The following CEP170 variants were observed in gnomAD, a reference collection of about 807,000 sequenced individuals.
CEP170 encodes the protein centrosomal protein of 170 kDa.
A neutral mutation model predicts 151.9 loss-of-function variants in CEP170; 21 were observed. The observed-to-expected ratio is 0.14, with a 90% CI of 0.10 to 0.20. The LOEUF is 0.20. Among genes scored for constraint, CEP170 ranks in the 10% least tolerant of loss-of-function variants. CEP170 has a pLI of 1.00. For missense variants in CEP170, 964 were observed against 1,892.9 expected, an observed-to-expected ratio of 0.51 and a Z score of 9.11; for synonymous variants, 356 against 648.8, an observed-to-expected ratio of 0.55 and a Z score of 6.86.
chr1:243,149,632 T>C (rs1186204046), intron 14 of CEP170, among the ~76,000 whole-genome samples: 4 of 152,228 alleles, frequency 2.6e-5, no homozygotes. Context: ...GTAGTTTTTA[T>C]ATCCATAATA....
At chr1:243,147,247 C>A (rs541892382) in intron 14 of CEP170, among the ~76,000 whole-genome samples, 1 of 152,184 alleles carries the variant, frequency 6.6e-6, no homozygotes, top group African/African-American at 2.4e-5. Context: ...TCCCCTGAAG[C>A]CTTTTCCTGG....
chr1:243,162,632 T>C (rs1572362910), intron 13 of CEP170, among the ~76,000 whole-genome samples: 1 of 152,336 alleles, frequency 6.6e-6, no homozygotes, highest in East Asian at 1.9e-4. Context: ...TAATCATATT[T>C]AGCTTGCATC....
At chr1:243,224,236 G>A (rs1388890014) in intron 2 of CEP170, among the ~76,000 whole-genome samples, 1 of 152,054 alleles carries the variant, frequency 6.6e-6, no homozygotes, top group Non-Finnish European at 1.5e-5. Flanking sequence ...GATACTAATG[G>A]GAAAACCTTA....
At chr1:243,250,048 C>T (rs571712233) in intron 1 of CEP170, among the ~76,000 whole-genome samples, 1 of 152,056 alleles carries the variant, frequency 6.6e-6, no homozygotes, top group South Asian at 2.1e-4. Flanking sequence ...TCCAGCCTGG[C>T]GAGAGAGCAA....
At position 243,164,921 on chromosome 1, in the gene CEP170, C is replaced by G. The variant is rs770947778; in HGVS notation, c.3039G>C (p.Gly1013=). The change falls in exon 13 of 20, where the codon GGG becomes GGC. Residue 1013 remains glycine (G), a synonymous_variant. Transcript: ENST00000366542. ...AGTCTACTGAGGGCTGTCTTATTCT[C>G]CCACTGGACTGAACAAATTTACGAC... is the stretch of plus-strand genomic sequence containing the variant. ...ADGRKFVQSS[G]RIRQPSVDLT... is the part of the protein sequence containing the mutation. 3 of 1,613,726 alleles carry G rather than the reference C, an allele frequency of 1.9e-6. No homozygotes were observed. The highest frequency in any genetic ancestry group is 2.7e-5 in the African/African-American group (2 of 74,948).
chr1:243,142,555 A>G, intron 14 of CEP170, 92 bp from the exon 15 acceptor site: 2 of 1,340,834 alleles, frequency 1.5e-6, no homozygotes, highest in Admixed American at 3.2e-5. Context: ...TGTAAGTTGT[A>G]TATCTAATTA....
chr1:243,173,153 C>T (rs1352584101), intron 10 of CEP170, among the ~76,000 whole-genome samples: 2 of 151,742 alleles, frequency 1.3e-5, no homozygotes, highest in South Asian at 2.1e-4. Context: ...CTCCGCCTCC[C>T]GGGTTCAAGA....
intron 4 of CEP170, among the ~76,000 whole-genome samples, chr1:243,210,608 A>ATTTTTTTTTTTTTTTTTTTTTTTTT (rs751388751): frequency 4.4e-5 from 3 of 67,942 alleles, no homozygotes; most frequent in Non-Finnish European, 2.5e-5. Flanking sequence ...ATTTTTCGTA[A>ATTTTTTTTTTTTTTTTTTTTTTTTT]TTTTTTTTTT....
intron 3 of CEP170, among the ~76,000 whole-genome samples, chr1:243,220,116 C>T (rs1248727359): frequency 6.6e-6 from 1 of 152,162 alleles, no homozygotes; most frequent in Non-Finnish European, 1.5e-5. Context: ...GTTAAAATTC[C>T]TAAGTAAACG....
intron 1 of CEP170, among the ~76,000 whole-genome samples, chr1:243,244,828 A>T (rs959825533): frequency 2.0e-5 from 3 of 152,180 alleles, no homozygotes; most frequent in Admixed American, 2.0e-4. Flanking sequence ...GACTAAATAC[A>T]TTCTAAAAAA....
intron 1 of CEP170, among the ~76,000 whole-genome samples, chr1:243,239,232 CCGT>C (rs2149112763): frequency 6.6e-6 from 1 of 152,274 alleles, no homozygotes; most frequent in African/African-American, 2.4e-5. Flanking sequence ...CCTGTTCTCC[CCGT>C]CTTAGCGAAT....
At chr1:243,189,522 C>G (rs954607469) in intron 8 of CEP170, among the ~76,000 whole-genome samples, 6 of 145,342 alleles carry the variant, frequency 4.1e-5, no homozygotes, top group Admixed American at 1.4e-4. Flanking sequence ...CGCCACTGCA[C>G]TCCAGCCTGA....
At chr1:243,204,048 T>C (rs777662009) in intron 4 of CEP170, among the ~76,000 whole-genome samples, 12 of 152,200 alleles carry the variant, frequency 7.9e-5, no homozygotes, top group Non-Finnish European at 1.5e-4. Flanking sequence ...TAAACTTCTC[T>C]ATCACTTCAT....
At chr1:243,127,834 C>T (rs1037555730) in intron 19 of CEP170, among the ~76,000 whole-genome samples, 9 of 152,244 alleles carry the variant, frequency 5.9e-5, no homozygotes, top group Admixed American at 1.3e-4. Context: ...TTCTTGTCAA[C>T]CAAACAACTA....
At position 243,164,628 on chromosome 1, in the gene CEP170, G is replaced by A; in HGVS notation, c.3332C>T (p.Ala1111Val). The change falls in exon 13 of 20, where the codon GCT becomes GTT. Residue 1111 changes from alanine (A) to valine (V), a missense_variant. Coordinates refer to ENST00000366542, the MANE Select transcript of CEP170 (RefSeq NM_014812.3). ...AGCATCAGCAAGTTCACTGTCTGAAGCTTCACCAAGTCGTGCTCTGCGCAA... is the reference window on the plus strand; with the variant it reads ...AGCATCAGCAAGTTCACTGTCTGAAACTTCACCAAGTCGTGCTCTGCGCAA... ...SLLRRARLGE[A>V]SDSELADADK... is the part of the protein sequence containing the mutation. The A allele has an allele frequency of 6.2e-7, 1 of 1,613,796 alleles. No individual in the cohort carries two copies. The highest frequency in any genetic ancestry group is 1.1e-5 in the South Asian group (1 of 91,072).
intron 12 of CEP170, among the ~76,000 whole-genome samples, chr1:243,167,736 A>G (rs2058541420): frequency 6.6e-6 from 1 of 151,802 alleles, no homozygotes; most frequent in African/African-American, 2.4e-5. Flanking sequence ...TACTGAACTG[A>G]TAGATTTAAC....
chr1:243,146,833 A>C (rs2056552519), intron 14 of CEP170, among the ~76,000 whole-genome samples: 1 of 152,162 alleles, frequency 6.6e-6, no homozygotes, highest in Admixed American at 6.5e-5. Context: ...CACCAACGGG[A>C]CTTATATAAC....
chr1:243,175,954 G>A (rs1236542994), intron 10 of CEP170, among the ~76,000 whole-genome samples: 3 of 152,062 alleles, frequency 2.0e-5, no homozygotes, highest in African/African-American at 4.8e-5. Context: ...CCGCCACTAC[G>A]CCTGGCTAAT....
intron 14 of CEP170, among the ~76,000 whole-genome samples, chr1:243,146,453 C>T (rs1039935040): frequency 1.2e-4 from 18 of 152,142 alleles, no homozygotes; most frequent in Admixed American, 3.9e-4. Flanking sequence ...GATCCTGTAT[C>T]AGGCCCCAAA....
Sources: gnomAD v4.1 joint callset for allele counts (sites outside exome capture counted in the v4.1 genomes callset) on GRCh38, gnomAD v4.1.1 for gene constraint, MANE v1.5 for transcripts, NCBI Gene and HGNC (gene_info 2026-07-23, HGNC 2026-07-21) for gene names.